Variants in DCLK1 observed in about 807,000 individuals in gnomAD.
The protein encoded by DCLK1 is serine/threonine-protein kinase DCLK1.
In DCLK1, 16 loss-of-function variants were observed where a neutral mutation model predicts 86.2. That is an observed-to-expected ratio of 0.19 (90% CI 0.13 to 0.28). The LOEUF (loss-of-function observed/expected upper bound fraction) is 0.28. Among genes scored for constraint, DCLK1 ranks in the 10% least tolerant of loss-of-function variants. DCLK1 has a pLI of 1.00. For missense variants in DCLK1, 590 were observed against 940.2 expected, an observed-to-expected ratio of 0.63 and a Z score of 4.87; for synonymous variants, 369 against 370.5, an observed-to-expected ratio of 1.00 and a Z score of 0.05.
chr13:36,106,648 A>G (rs1485066448), intron 3 of DCLK1, among the ~76,000 whole-genome samples: 4 of 152,230 alleles, frequency 2.6e-5, no homozygotes, highest in Admixed American at 6.5e-5. Context: ...GAAGTTAATT[A>G]GAACTGTCAC....
At chr13:36,001,350 G>A (rs1186414318) in intron 3 of DCLK1, among the ~76,000 whole-genome samples, 1 of 152,188 alleles carries the variant, frequency 6.6e-6, no homozygotes, top group Non-Finnish European at 1.5e-5. Context: ...AATTCTTTCA[G>A]CAACATCAAA....
intron 4 of DCLK1, among the ~76,000 whole-genome samples, chr13:35,916,872 C>T (rs961188689): frequency 9.8e-5 from 15 of 152,288 alleles, no homozygotes; most frequent in African/African-American, 3.6e-4. Flanking sequence ...CCTCTCAGAC[C>T]TTCCACCTCC....
chr13:35,976,755 C>T (rs1012356012), intron 3 of DCLK1, among the ~76,000 whole-genome samples: 8 of 151,436 alleles, frequency 5.3e-5, no homozygotes, highest in Non-Finnish European at 1.0e-4. Context: ...GGGATGGTCT[C>T]GATCTCTTGA....
rs552486408 is a variant in DCLK1, at chr13:35,770,618, G to A, written c.*3917C>T. On this transcript the variant is annotated 3_prime_UTR_variant, in exon 17 of 17. Transcript: ENST00000360631. ...ACTTCAAGTCTTTTAAAATCTTTGG[G>A]CAAAAAAAAATATCATGTAGCAGTT... The A allele has an allele frequency of 8.6e-5, 13 of 150,640 alleles. No individual in the cohort carries two copies. Among genetic ancestry groups the A allele is most frequent in the African/African-American group, 3.2e-4 (13 of 41,254 alleles). The allele number at this position is 150,640 out of a possible 1,614,324, so 9.3% of individuals were successfully genotyped here.
chr13:36,116,459 T>C (rs1262581900), intron 2 of DCLK1, among the ~76,000 whole-genome samples: 1 of 152,202 alleles, frequency 6.6e-6, no homozygotes, highest in African/African-American at 2.4e-5. Context: ...TGACTGGGCC[T>C]GCAGTGTGTC....
intron 3 of DCLK1, among the ~76,000 whole-genome samples, chr13:35,952,161 A>C (rs1199638696): frequency 6.6e-6 from 1 of 152,248 alleles, no homozygotes; most frequent in Non-Finnish European, 1.5e-5. Flanking sequence ...ATAAGTATAA[A>C]TCGAGTGCAT....
intron 3 of DCLK1, among the ~76,000 whole-genome samples, chr13:36,022,433 A>G (rs1040647373): frequency 6.6e-6 from 1 of 152,136 alleles, no homozygotes; most frequent in Non-Finnish European, 1.5e-5. Context: ...TAAATAAAAT[A>G]CAGAATGTTT....
chr13:35,840,950 G>C (rs1869751820), intron 6 of DCLK1, among the ~76,000 whole-genome samples: 1 of 152,214 alleles, frequency 6.6e-6, no homozygotes, highest in Non-Finnish European at 1.5e-5. Flanking sequence ...AGGGGAAGGT[G>C]TGTGTTTTCC....
chr13:35,873,385 C>CT (rs1011363091), intron 4 of DCLK1, among the ~76,000 whole-genome samples: 2 of 149,860 alleles, frequency 1.3e-5, no homozygotes, highest in Admixed American at 6.7e-5. Flanking sequence ...ACAAATTGTA[C>CT]TTTTTTTTTT....
intron 3 of DCLK1, among the ~76,000 whole-genome samples, chr13:35,959,589 T>C (rs1474379553): frequency 6.6e-6 from 1 of 152,190 alleles, no homozygotes; most frequent in Non-Finnish European, 1.5e-5. Context: ...TCGTGTTTTA[T>C]AAAAAACATT....
At chr13:35,899,792 G>A (rs1010431229) in intron 4 of DCLK1, among the ~76,000 whole-genome samples, 3 of 152,212 alleles carry the variant, frequency 2.0e-5, no homozygotes, top group Admixed American at 1.3e-4. Flanking sequence ...CATATTTAGA[G>A]TAATAATAAT....
intron 5 of DCLK1, among the ~76,000 whole-genome samples, chr13:35,868,032 T>TA (rs1871981901): frequency 6.8e-6 from 1 of 148,104 alleles, no homozygotes; most frequent in Non-Finnish European, 1.5e-5. Flanking sequence ...CTTTTTTTTT[T>TA]TTTTTTTTGA....
At chr13:35,851,248 G>A (rs1410683042) in intron 6 of DCLK1, among the ~76,000 whole-genome samples, 1 of 152,210 alleles carries the variant, frequency 6.6e-6, no homozygotes, top group Non-Finnish European at 1.5e-5. Flanking sequence ...ACCCAAGAAA[G>A]CATTGCTTTC....
upstream of DCLK1, chr13:36,131,395 G>T (rs578130911): frequency 2.5e-4 from 48 of 194,674 alleles, no homozygotes; most frequent in South Asian, 4.2e-3. Flanking sequence ...CGGCGGCGGC[G>T]GGCGCGCTCC....
intron 4 of DCLK1, among the ~76,000 whole-genome samples, chr13:35,909,995 AC>A (rs1424294227): frequency 1.3e-5 from 2 of 152,060 alleles, no homozygotes; most frequent in African/African-American, 4.8e-5. Flanking sequence ...TGCTAAAGAC[AC>A]CCGCATCCAT....
chr13:35,854,388 G>A (rs1870895193), intron 6 of DCLK1, 111 bp downstream of exon 6: 2 of 785,052 alleles, frequency 2.5e-6, no homozygotes, highest in Non-Finnish European at 3.7e-6. Flanking sequence ...GTCACCTCCT[G>A]TTCTAGCTTA....
intron 11 of DCLK1, among the ~76,000 whole-genome samples, chr13:35,811,438 ATGT>A (rs1352035394): frequency 3.9e-5 from 6 of 152,164 alleles, no homozygotes; most frequent in African/African-American, 1.4e-4. Flanking sequence ...TCTGTCTTTG[ATGT>A]TGTCTATAAT....
intron 3 of DCLK1, among the ~76,000 whole-genome samples, chr13:36,042,856 T>C (rs900972574): frequency 6.6e-6 from 1 of 152,220 alleles, no homozygotes; most frequent in Non-Finnish European, 1.5e-5. Context: ...TTAATAACTT[T>C]TCTTTCTAAA....
rs201997501 is a variant in DCLK1, at chr13:35,906,030, CAT to C, written c.824-34692_824-34691del. Among the ~76,000 whole-genome samples the C allele has an allele frequency of 6.0e-3, 910 of 152,286 alleles. 6 individuals carry two copies. The highest frequency in any genetic ancestry group is 0.033 in the East Asian group (170 of 5,182). The stretch of plus-strand genomic sequence containing the variant: ...AACAAACTGATCCGAATTTGTGTTT[CAT>C]TGTTAGAATGTTTTTGAAATGGATG... On this transcript the variant is annotated intron_variant, in intron 4 of 16. Transcript: ENST00000360631.
Sources: gnomAD v4.1 joint callset for allele counts (sites outside exome capture counted in the v4.1 genomes callset) on GRCh38, gnomAD v4.1.1 for gene constraint, MANE v1.5 for transcripts, NCBI Gene and HGNC (gene_info 2026-07-23, HGNC 2026-07-21) for gene names.